GRM7: variants seen among roughly 807,000 people sequenced by gnomAD.
The protein encoded by GRM7 is glutamate metabotropic receptor 7.
A neutral mutation model predicts 84.5 loss-of-function variants in GRM7; 35 were observed. That is an observed-to-expected ratio of 0.41 (90% CI 0.32 to 0.55). The LOEUF (loss-of-function observed/expected upper bound fraction) is 0.55, where lower values mean the gene tolerates loss of function less well. Ranked by LOEUF, GRM7 falls within the 20% of genes least tolerant of loss-of-function variation. The pLI, the probability that GRM7 is intolerant of heterozygous loss-of-function variation, is 0.19. For synonymous variants in GRM7, 487 were observed against 455.1 expected, an observed-to-expected ratio of 1.07 and a Z score of -0.89; for missense variants, 1,003 against 1,194.6, an observed-to-expected ratio of 0.84 and a Z score of 2.36.
At chr3:6,882,732 T>A (rs1230757401) in intron 1 of GRM7, among the ~76,000 whole-genome samples, 2 of 152,226 alleles carry the variant, frequency 1.3e-5, no homozygotes, top group East Asian at 3.8e-4. Flanking sequence ...TTTTGCTTAT[T>A]AGTATATAAT....
intron 7 of GRM7, among the ~76,000 whole-genome samples, chr3:7,520,651 A>C (rs1700561197): frequency 1.3e-5 from 2 of 152,176 alleles, no homozygotes; most frequent in South Asian, 4.1e-4. Context: ...AGGGTATAGA[A>C]GACAGGTTTC....
At chr3:7,221,804 A>ATTTTTTTTTTTT (rs540956206) in intron 2 of GRM7, among the ~76,000 whole-genome samples, 1 of 97,356 alleles carries the variant, frequency 1.0e-5, no homozygotes, top group African/African-American at 4.1e-5. Flanking sequence ...AATTTCTTGT[A>ATTTTTTTTTTTT]TTTTTTTTTT....
At chr3:7,076,515 C>T (rs1036029104) in intron 1 of GRM7, among the ~76,000 whole-genome samples, 8 of 152,170 alleles carry the variant, frequency 5.3e-5, no homozygotes, top group African/African-American at 1.9e-4. Flanking sequence ...CCTTCACCTT[C>T]CACCATGACT....
intron 1 of GRM7, among the ~76,000 whole-genome samples, chr3:6,914,987 A>C (rs1336737078): frequency 6.6e-6 from 1 of 152,160 alleles, no homozygotes; most frequent in Non-Finnish European, 1.5e-5. Flanking sequence ...AAAATTCTGC[A>C]TGTATTGAGA....
At chr3:7,670,692 A>C (rs1699883480) in intron 8 of GRM7, among the ~76,000 whole-genome samples, 2 of 109,154 alleles carry the variant, frequency 1.8e-5, no homozygotes, top group East Asian at 5.4e-4. Context: ...TGGATATTTC[A>C]CATCTTTAGA....
intron 9 of GRM7, among the ~76,000 whole-genome samples, chr3:7,720,652 G>A (rs1336051279): frequency 6.6e-6 from 1 of 152,202 alleles, no homozygotes; most frequent in Non-Finnish European, 1.5e-5. Context: ...GAACATTCAT[G>A]GAAGCTGGGG....
At chr3:7,070,730 A>AT (rs112275535) in intron 1 of GRM7, among the ~76,000 whole-genome samples, 19,013 of 151,820 alleles carry the variant, frequency 0.13, 1,715 homozygotes, top group African/African-American at 0.26. Flanking sequence ...CTCATATGAC[A>AT]TTTTTTTCTT....
chr3:7,557,973 G>A (rs944925514), intron 7 of GRM7, among the ~76,000 whole-genome samples: 2 of 152,122 alleles, frequency 1.3e-5, no homozygotes, highest in Non-Finnish European at 2.9e-5. Flanking sequence ...TCAAGAGAGA[G>A]TGGAGGGAGT....
chr3:7,133,201 A>G (rs751610370), intron 1 of GRM7, among the ~76,000 whole-genome samples: 5 of 152,200 alleles, frequency 3.3e-5, no homozygotes, highest in African/African-American at 1.2e-4. Flanking sequence ...AGAAAGCAAA[A>G]TGTGAAAAGC....
At chr3:7,380,473 T>TCATGCACTCCTGAGG (rs1694544428) in intron 4 of GRM7, among the ~76,000 whole-genome samples, 1 of 152,216 alleles carries the variant, frequency 6.6e-6, no homozygotes, top group East Asian at 1.9e-4. Context: ...GGAGAGTGAA[T>TCATGCACTCCTGAGG]GAGTGCATCA....
intron 1 of GRM7, among the ~76,000 whole-genome samples, chr3:7,108,083 T>C (rs1692715695): frequency 6.6e-6 from 1 of 152,118 alleles, no homozygotes; most frequent in Non-Finnish European, 1.5e-5. Flanking sequence ...TGGGGTTGTT[T>C]GCCTACATTA....
chr3:7,528,089 G>A (rs186261294), intron 7 of GRM7, among the ~76,000 whole-genome samples: 129 of 152,064 alleles, frequency 8.5e-4, no homozygotes, highest in African/African-American at 3.0e-3. Context: ...TAGTTTCCGT[G>A]GGATTGGTAC....
chr3:7,529,330 C>T (rs147277868), intron 7 of GRM7, among the ~76,000 whole-genome samples: 3 of 151,918 alleles, frequency 2.0e-5, no homozygotes, highest in African/African-American at 7.3e-5. Flanking sequence ...TTTGTGATAG[C>T]TTCTGGTTCT....
At chr3:6,942,169 C>G (rs1378102041) in intron 1 of GRM7, among the ~76,000 whole-genome samples, 1 of 151,638 alleles carries the variant, frequency 6.6e-6, no homozygotes, top group Admixed American at 6.6e-5. Context: ...CCCTCCCTAC[C>G]TTCCCCTTCT....
intron 1 of GRM7, among the ~76,000 whole-genome samples, chr3:7,122,107 C>G (rs1029267558): frequency 3.3e-5 from 5 of 152,136 alleles, no homozygotes; most frequent in African/African-American, 9.7e-5. Flanking sequence ...TTATAAATTA[C>G]CCAGTCTGTG....
At chr3:6,960,578 C>A (rs1443553028) in intron 1 of GRM7, among the ~76,000 whole-genome samples, 1 of 152,152 alleles carries the variant, frequency 6.6e-6, no homozygotes, top group African/African-American at 2.4e-5. Context: ...CCCGTTATAT[C>A]CCTTAACTAA....
rs71063284 is a variant in GRM7, at chr3:7,162,729, A to ATTTTTTTTTTTTTTTTTTTTTTTTTTTT, written c.736+16082_736+16109dup. 7.3e-5 allele frequency among the ~76,000 whole-genome samples: 4 copies of ATTTTTTTTTTTTTTTTTTTTTTTTTTTT among 54,718 alleles called. 2 individuals are homozygous for ATTTTTTTTTTTTTTTTTTTTTTTTTTTT. The highest frequency in any genetic ancestry group is 1.6e-4 in the Non-Finnish European group (4 of 25,686). The allele number at this position is 54,718 out of a possible 152,430, so 35.9% of individuals were successfully genotyped here. A position where few individuals can be genotyped will look rare whatever the true frequency, so the allele number is the denominator to read the frequency against. ...CAATCTCCCATTACTCCCATTTTTC[A>ATTTTTTTTTTTTTTTTTTTTTTTTTTTT]TTTTTTTTTTTTTTTTTTTTTTTTT... is the stretch of plus-strand genomic sequence containing the variant. On this transcript the variant is annotated intron_variant, in intron 2 of 9. Coordinates refer to ENST00000357716, the MANE Select transcript of GRM7 (RefSeq NM_000844.4).
chr3:7,721,731 G>A (rs745837162), intron 9 of GRM7, among the ~76,000 whole-genome samples: 2 of 152,192 alleles, frequency 1.3e-5, no homozygotes, highest in Non-Finnish European at 2.9e-5. Flanking sequence ...CAAACTCAAT[G>A]ATTCCCAGTT....
At chr3:7,713,263 A>G (rs961530590) in intron 9 of GRM7, among the ~76,000 whole-genome samples, 1 of 149,398 alleles carries the variant, frequency 6.7e-6, no homozygotes, top group Non-Finnish European at 1.5e-5. Flanking sequence ...CAACCTCCTG[A>G]GTAGCTGAGA....
Sources: gnomAD v4.1 joint callset for allele counts (sites outside exome capture counted in the v4.1 genomes callset) on GRCh38, gnomAD v4.1.1 for gene constraint, MANE v1.5 for transcripts, NCBI Gene and HGNC (gene_info 2026-07-23, HGNC 2026-07-21) for gene names.